CHEK1: variants seen among roughly 807,000 people sequenced by gnomAD.
CHEK1 encodes the protein checkpoint kinase 1, also known as serine/threonine-protein kinase Chk1.
A neutral mutation model predicts 60.2 loss-of-function variants in CHEK1; 32 were observed. The ratio of observed to expected loss-of-function variants is 0.53; its 90% CI spans 0.40 to 0.71. The LOEUF (loss-of-function observed/expected upper bound fraction) is 0.71. Among genes scored for constraint, CHEK1 ranks in the 30% least tolerant of loss-of-function variants. The pLI is 0.00. For missense variants in CHEK1, 399 were observed against 564.6 expected, an observed-to-expected ratio of 0.71 and a Z score of 2.97; for synonymous variants, 179 against 187.2, an observed-to-expected ratio of 0.96 and a Z score of 0.36.
chr11:125,666,801 G>A (rs1942107166), intron 13 of CHEK1, among the ~76,000 whole-genome samples: 1 of 152,018 alleles, frequency 6.6e-6, no homozygotes, highest in African/African-American at 2.4e-5. Flanking sequence ...TATAAATACA[G>A]GTAATCCTGG....
intron 3 of CHEK1, 44 bp from the exon 4 acceptor site, chr11:125,629,181 TTGCTACC>T: frequency 6.4e-7 from 1 of 1,557,252 alleles, no homozygotes; most frequent in South Asian, 1.1e-5. Flanking sequence ...AGCTATGTGG[TTGCTACC>T]TGATTATATT....
At position 125,644,178 on chromosome 11, in the gene CHEK1, A is replaced by G. The variant is rs779758431; in HGVS notation, c.1011A>G (p.Lys337=). Residue 337 remains lysine (K), a synonymous_variant, in exon 10 of 13, where the codon AAA becomes AAG. Coordinates refer to ENST00000438015, the MANE Select transcript of CHEK1 (RefSeq NM_001114122.3). ...LWDTSPSYID[K]LVQGISFSQP... ...ATACCAGCCCCTCATACATTGATAA[A>G]TTGGTACAAGGGATCAGCTTTTCCC... 2 of 1,614,140 alleles carry G rather than the reference A, an allele frequency of 1.2e-6. No homozygotes were observed. The highest frequency in any genetic ancestry group is 2.2e-5 in the South Asian group (2 of 91,080).
intron 13 of CHEK1, among the ~76,000 whole-genome samples, chr11:125,675,624 T>C (rs888808269): frequency 6.6e-6 from 1 of 152,240 alleles, no homozygotes; most frequent in African/African-American, 2.4e-5. Context: ...ATACTCAGAC[T>C]GGTCTGGTAA....
At chr11:125,638,719 T>C (rs1941168410) in intron 8 of CHEK1, among the ~76,000 whole-genome samples, 1 of 152,122 alleles carries the variant, frequency 6.6e-6, no homozygotes, top group Non-Finnish European at 1.5e-5. Flanking sequence ...TTCCTTTATG[T>C]CTCTCCCCTC....
At chr11:125,645,043 A>G (rs1591410281) in intron 11 of CHEK1, among the ~76,000 whole-genome samples, 1 of 152,228 alleles carries the variant, frequency 6.6e-6, no homozygotes, top group Admixed American at 6.5e-5. Context: ...CAAAGTAATT[A>G]GTTAATTTGA....
downstream of CHEK1, among the ~76,000 whole-genome samples, chr11:125,678,582 G>A (rs568430557): frequency 6.6e-6 from 1 of 152,108 alleles, no homozygotes; most frequent in African/African-American, 2.4e-5. Context: ...ACTCATCCAT[G>A]TACAAAAAAC....
chr11:125,678,214 G>A, downstream of CHEK1: 1 of 1,614,192 alleles, frequency 6.2e-7, no homozygotes. Context: ...GGGTTTTCAA[G>A]TGAAAAGAAC....
At chr11:125,677,772 T>C (rs17141381), downstream of CHEK1, 9,753 of 1,611,150 alleles carry the variant, frequency 6.1e-3, 372 homozygotes, top group East Asian at 0.1. Flanking sequence ...AGTCAATGAC[T>C]GGCACCCATC....
At chr11:125,660,903 G>A (rs1176445134), downstream of CHEK1, among the ~76,000 whole-genome samples, 2 of 152,068 alleles carry the variant, frequency 1.3e-5, no homozygotes, top group African/African-American at 2.4e-5. Context: ...AGCCTCCCGA[G>A]TAGCTGGGAT....
chr11:125,627,145 A>G (rs539732591), intron 2 of CHEK1, among the ~76,000 whole-genome samples: 9 of 152,302 alleles, frequency 5.9e-5, no homozygotes, highest in Admixed American at 2.0e-4. Flanking sequence ...TCCTTGCTCT[A>G]TCACATACTG....
At chr11:125,630,419 T>G (rs1940820394) in intron 5 of CHEK1, among the ~76,000 whole-genome samples, 1 of 152,070 alleles carries the variant, frequency 6.6e-6, no homozygotes, top group African/African-American at 2.4e-5. Context: ...CAGGTGATTC[T>G]TGTGCCTTAG....
At position 125,673,763 on chromosome 11, in the gene CHEK1, T is replaced by C. The variant is rs559301267; in HGVS notation, c.*28-2165T>C. ...TCCTGTACCACACCTTCAAAACCTC[T>C]GTCATCTCTGATTCTTCCCTTTGCT... On this transcript the variant is annotated intron_variant, in intron 13 of 13. Transcript: ENST00000428830. Among the ~76,000 whole-genome samples, 28 of 152,342 alleles carry C rather than the reference T, an allele frequency of 1.8e-4. No individual in the cohort carries two copies. The South Asian group carries it at 5.4e-3, about 29-fold the overall frequency.
Position 125,625,816 on chromosome 11 carries a change from C to T in CHEK1, c.-217C>T, listed in dbSNP as rs1229187837. ...CCAGGATCTCTCCCCGACTGCAAAG[C>T]AGCCCTGGGCGGGAGCGGCAACATC... On this transcript the variant is annotated 5_prime_UTR_variant, in exon 1 of 13. Coordinates refer to ENST00000438015, the MANE Select transcript of CHEK1 (RefSeq NM_001114122.3). The T allele has an allele frequency of 4.3e-6, 3 of 702,324 alleles. No individual in the cohort carries two copies. Among genetic ancestry groups the T allele is most frequent in the African/African-American group, 1.7e-5 (1 of 57,280 alleles). 43.5% of individuals were successfully genotyped at this position (702,324 alleles called of 1,614,324 possible).
downstream of CHEK1, among the ~76,000 whole-genome samples, chr11:125,680,016 G>A (rs763215372): frequency 7.2e-5 from 11 of 152,280 alleles, no homozygotes; most frequent in African/African-American, 1.9e-4. Context: ...TTTATGACTC[G>A]TGTCACCATG....
intron 11 of CHEK1, among the ~76,000 whole-genome samples, chr11:125,645,445 G>A (rs77096204): frequency 6.6e-6 from 1 of 152,190 alleles, no homozygotes; most frequent in East Asian, 1.9e-4. Context: ...AGACAAATAG[G>A]GTAGCTGTTT....
intron 11 of CHEK1, among the ~76,000 whole-genome samples, chr11:125,645,176 A>G (rs1941454106): frequency 6.6e-6 from 1 of 152,096 alleles, no homozygotes; most frequent in Non-Finnish European, 1.5e-5. Context: ...ATATTTCTTA[A>G]AAGACCTTTT....
chr11:125,635,885 TTCA>T (rs1941054892), intron 7 of CHEK1: 1 of 164,644 alleles, frequency 6.1e-6, no homozygotes, highest in African/African-American at 2.4e-5. Context: ...ATTAGGTGGT[TTCA>T]TCATTGTGTG....
In CHEK1 at chr11:125,625,507, A is replaced by T; in HGVS notation, c.-526A>T. 2.1e-6 allele frequency: 1 copy of T among 473,484 alleles called. No individual in the cohort carries two copies. Among genetic ancestry groups the T allele is most frequent in the South Asian group, 3.8e-5 (1 of 26,088 alleles). 29.3% of individuals were successfully genotyped at this position (473,484 alleles called of 1,614,324 possible). ...CCACGAGTACCGCACTCTGAGGTTT[A>T]CAAAGCACTCTGCTTCACCGACTGT... On this transcript the variant is annotated 5_prime_UTR_variant, in exon 1 of 13. Transcript: ENST00000438015.
downstream of CHEK1, among the ~76,000 whole-genome samples, chr11:125,678,978 T>TATATATATATA (rs1555078666): frequency 2.3e-3 from 204 of 88,430 alleles, 6 homozygotes; most frequent in African/African-American, 6.2e-3. Context: ...TCTAGGCATA[T>TATATATATATA]TATATATATA....
Sources: gnomAD v4.1 joint callset for allele counts (sites outside exome capture counted in the v4.1 genomes callset) on GRCh38, gnomAD v4.1.1 for gene constraint, MANE v1.5 for transcripts, NCBI Gene and HGNC (gene_info 2026-07-23, HGNC 2026-07-21) for gene names.